Variants in SMG6 observed in about 807,000 individuals in gnomAD.
SMG6 encodes the protein telomerase-binding protein EST1A.
In SMG6, 66 loss-of-function variants were observed where a neutral mutation model predicts 142.2. That is an observed-to-expected ratio of 0.46 (90% confidence interval 0.38 to 0.57). SMG6 has a LOEUF of 0.57. SMG6 is among the 20% of genes least tolerant of loss of function. The probability of loss-of-function intolerance (pLI) is 0.00; values close to 1 mark genes in which losing one functional copy is unlikely to be tolerated. For missense variants in SMG6, 1,793 were observed against 1,832.0 expected (o/e 0.98, Z 0.39); for synonymous variants, 779 against 702.4 (o/e 1.11, Z -1.72).
intron 13 of SMG6, among the ~76,000 whole-genome samples, chr17:2,124,755 T>G (rs924878319): frequency 1.3e-5 from 2 of 152,228 alleles, no homozygotes; most frequent in Non-Finnish European, 2.9e-5. Flanking sequence ...ACTTCTTACA[T>G]GGCAGAAAAA....
intron 4 of SMG6, among the ~76,000 whole-genome samples, chr17:2,296,723 G>T (rs1022544173): frequency 6.6e-6 from 1 of 152,194 alleles, no homozygotes; most frequent in African/African-American, 2.4e-5. Context: ...GCCAGGCCCG[G>T]TGGCTCATGC....
intron 1 of SMG6, among the ~76,000 whole-genome samples, chr17:2,301,844 G>A (rs976591342): frequency 6.6e-6 from 1 of 151,994 alleles, no homozygotes; most frequent in Non-Finnish European, 1.5e-5. Flanking sequence ...TTAAGTATCT[G>A]GTTTTTTAAA....
At chr17:2,156,038 C>CTT (rs113122170) in intron 13 of SMG6, among the ~76,000 whole-genome samples, 42 of 131,828 alleles carry the variant, frequency 3.2e-4, no homozygotes, top group African/African-American at 1.0e-3. Flanking sequence ...TTTTCTTTAC[C>CTT]TTTTTTTTTT....
At chr17:2,274,650 A>G (rs2074609865) in intron 8 of SMG6, among the ~76,000 whole-genome samples, 1 of 152,200 alleles carries the variant, frequency 6.6e-6, no homozygotes, top group African/African-American at 2.4e-5. Flanking sequence ...GCCAAGGAGA[A>G]GGAAGGTTTG....
At chr17:2,279,156 T>C (rs903186644) in intron 8 of SMG6, among the ~76,000 whole-genome samples, 7 of 152,258 alleles carry the variant, frequency 4.6e-5, no homozygotes, top group African/African-American at 1.7e-4. Context: ...AAACGTGACA[T>C]TTAGGCTGAG....
chr17:2,250,135 AG>A (rs2074014644), intron 8 of SMG6, among the ~76,000 whole-genome samples: 1 of 152,164 alleles, frequency 6.6e-6, no homozygotes, highest in African/African-American at 2.4e-5. Flanking sequence ...CTGTGGAGCA[AG>A]GAAGGAGAGA....
chr17:2,301,307 C>A (rs1267207079), intron 1 of SMG6, among the ~76,000 whole-genome samples: 2 of 152,198 alleles, frequency 1.3e-5, no homozygotes, highest in African/African-American at 4.8e-5. Context: ...GCAAGCAGTT[C>A]TTTTCCCATT....
rs1249781682 is a variant in SMG6, at chr17:2,212,649, C to T, written c.2869+23843G>A. The stretch of plus-strand genomic sequence containing the variant: ...CACCCTATTCAGTTACATCAGGCAC[C>T]AACCCTTCATAGGCATCAACCGGGG... On this transcript the variant is annotated intron_variant, in intron 10 of 18. Transcript: ENST00000263073. 2.0e-5 allele frequency: 3 copies of T among 152,260 alleles called. No homozygotes were observed. The East Asian group carries it at 5.8e-4, about 29-fold the overall frequency. 9.4% of individuals were successfully genotyped at this position (152,260 alleles called of 1,614,324 possible). A position where few individuals can be genotyped will look rare whatever the true frequency, so the allele number is the denominator to read the frequency against.
At chr17:2,253,843 T>C (rs1041349486) in intron 8 of SMG6, among the ~76,000 whole-genome samples, 2 of 152,130 alleles carry the variant, frequency 1.3e-5, no homozygotes, top group African/African-American at 4.8e-5. Context: ...CTCCAAAGGC[T>C]ACAGAGAAAT....
intron 8 of SMG6, among the ~76,000 whole-genome samples, chr17:2,254,218 G>A (rs1172956223): frequency 2.0e-5 from 3 of 152,238 alleles, no homozygotes; most frequent in East Asian, 1.9e-4. Context: ...GCTAGGACAC[G>A]CTGTGTCTGC....
At chr17:2,154,432 CAA>C (rs2070939545) in intron 13 of SMG6, among the ~76,000 whole-genome samples, 1 of 152,170 alleles carries the variant, frequency 6.6e-6, no homozygotes, top group Admixed American at 6.5e-5. Flanking sequence ...ATAAAACAGA[CAA>C]AGATTTATGT....
At chr17:2,174,875 G>A (rs1009585793) in intron 12 of SMG6, among the ~76,000 whole-genome samples, 2 of 152,204 alleles carry the variant, frequency 1.3e-5, no homozygotes, top group Non-Finnish European at 2.9e-5. Context: ...GCTACCAGCT[G>A]TAGAATAAAC....
intron 13 of SMG6, among the ~76,000 whole-genome samples, chr17:2,090,182 C>CAA (rs71150849): frequency 3.9e-4 from 38 of 96,654 alleles, no homozygotes; most frequent in Non-Finnish European, 7.0e-4. Flanking sequence ...GACTCTGTCT[C>CAA]AAAAAAAAAA....
chr17:2,113,021 G>C (rs1334885674), intron 13 of SMG6, among the ~76,000 whole-genome samples: 1 of 151,960 alleles, frequency 6.6e-6, no homozygotes, highest in Non-Finnish European at 1.5e-5. Context: ...GCTTCCCAAA[G>C]TGCTGGGATT....
At chr17:2,124,110 G>C (rs2069793113) in intron 13 of SMG6, among the ~76,000 whole-genome samples, 1 of 152,232 alleles carries the variant, frequency 6.6e-6, no homozygotes, top group African/African-American at 2.4e-5. Context: ...CCAGGAGAGA[G>C]AGAGGAGAGC....
chr17:2,273,657 T>G (rs1050598456), intron 8 of SMG6, among the ~76,000 whole-genome samples: 1 of 151,228 alleles, frequency 6.6e-6, no homozygotes, highest in South Asian at 2.1e-4. Flanking sequence ...AAATAAATAT[T>G]AGCCAGGCGC....
chr17:2,115,623 A>T (rs1471681440), intron 13 of SMG6, among the ~76,000 whole-genome samples: 5 of 152,228 alleles, frequency 3.3e-5, no homozygotes, highest in Non-Finnish European at 7.3e-5. Context: ...TGAACCACAG[A>T]CCCAAGTGTG....
intron 13 of SMG6, among the ~76,000 whole-genome samples, chr17:2,095,956 CT>C (rs903676791): frequency 3.3e-5 from 5 of 152,094 alleles, no homozygotes; most frequent in African/African-American, 1.2e-4. Flanking sequence ...TCTGCTTCCC[CT>C]GGCACCTCTG....
rs775150589 is a variant in SMG6, at chr17:2,186,701, G to A, written c.3117C>T (p.Thr1039=). Residue 1039 remains threonine (T), a synonymous_variant, in exon 12 of 19, where the codon ACC becomes ACT. Coordinates refer to ENST00000263073, the MANE Select transcript of SMG6 (RefSeq NM_017575.5). The part of the protein sequence containing the change: ...WSDWMLGYPD[T]WNPPPTSLDL... ...CCAGGGATGTGGGAGGAGGATTCCAGGTGTCCGGGTAGCCGAGCATCCAAT... is the reference window on the plus strand; with the variant it reads ...CCAGGGATGTGGGAGGAGGATTCCAAGTGTCCGGGTAGCCGAGCATCCAAT... 9.9e-6 allele frequency: 16 copies of A among 1,614,234 alleles called. No homozygotes were observed. The highest frequency in any genetic ancestry group is 1.3e-5 in the Non-Finnish European group (15 of 1,180,040).
Sources: allele counts gnomAD v4.1 joint callset (sites outside exome capture counted in the v4.1 genomes callset), GRCh38; gene constraint gnomAD v4.1.1; transcripts MANE v1.5; gene names NCBI Gene and HGNC (gene_info 2026-07-23, HGNC 2026-07-21).